Variants in SLC6A20 observed in about 807,000 individuals in gnomAD.
The protein encoded by SLC6A20 is solute carrier family 6 member 20.
SLC6A20 carries 73 observed loss-of-function variants against 64.3 expected under a neutral mutation model. The observed-to-expected ratio is 1.14, with a 90% confidence interval of 0.94 to 1.38. SLC6A20 has a LOEUF of 1.38. SLC6A20 is among the 40% of genes most tolerant of loss of function. The pLI, the probability that SLC6A20 is intolerant of heterozygous loss-of-function variation, is 0.00. For missense variants in SLC6A20, 725 were observed against 772.8 expected (o/e 0.94, Z 0.73); for synonymous variants, 347 against 329.6 (o/e 1.05, Z -0.57).
intron 4 of SLC6A20, among the ~76,000 whole-genome samples, chr3:45,775,455 G>T (rs569908689): frequency 2.0e-5 from 3 of 152,288 alleles, no homozygotes; most frequent in Admixed American, 2.0e-4. Context: ...CAAACTCACT[G>T]TCTGGTTGTC....
intron 4 of SLC6A20, among the ~76,000 whole-genome samples, chr3:45,774,228 G>GA (rs893850638): frequency 1.7e-4 from 26 of 152,334 alleles, no homozygotes; most frequent in African/African-American, 5.8e-4. Context: ...GGGTGTAGCT[G>GA]AAGCAGAGGA....
At chr3:45,785,192 G>GCCTACCCCTTCCT in intron 1 of SLC6A20, among the ~76,000 whole-genome samples, 1 of 152,302 alleles carries the variant, frequency 6.6e-6, no homozygotes, top group Admixed American at 6.5e-5. Context: ...AGGGGAGTAG[G>GCCTACCCCTTCCT]AAGGGGTTGA....
chr3:45,771,130 G>C, intron 6 of SLC6A20, 87 bp downstream of exon 6: 1 of 1,572,456 alleles, frequency 6.4e-7, no homozygotes, highest in African/African-American at 1.3e-5. Context: ...TCCAAAACTG[G>C]TGCACTTTGC....
Position 45,771,321 on chromosome 3 carries a change from G to A in SLC6A20, c.831C>T (p.Ile277=). ...EPSNNCQKHA[I]IVSLINSFTS... is the part of the protein sequence containing the mutation. ...TGAAGCTGTTGATGAGGGACACGAT[G>A]ATGGCGTGCTTCTGGCAGTTGTTGG... is the stretch of plus-strand genomic sequence containing the variant. The change falls in exon 6 of 11, where the codon ATC becomes ATT. Residue 277 remains isoleucine, a synonymous_variant. Transcript: ENST00000358525. The A allele has an allele frequency of 1.2e-6, 2 of 1,614,264 alleles. No homozygotes were observed. The highest frequency in any genetic ancestry group is 1.7e-6 in the Non-Finnish European group (2 of 1,180,046).
In SLC6A20 at chr3:45,777,386, T is replaced by C. The variant is rs1440198191; in HGVS notation, c.355-1398A>G. Among the ~76,000 whole-genome samples the C allele has an allele frequency of 2.0e-5, 3 of 152,076 alleles. No homozygotes were observed. In the East Asian group the frequency reaches 5.8e-4, roughly 29 times the overall value. Reference sequence around the variant, plus strand: ...AGCTGGTTTCTTGCTTTGACCCATATCGTGTTCAAAGCTGGCCACCAACAG... The same window carrying C: ...AGCTGGTTTCTTGCTTTGACCCATACCGTGTTCAAAGCTGGCCACCAACAG... On this transcript the variant is annotated intron_variant, in intron 3 of 10. Transcript: ENST00000358525.
Position 45,782,197 on chromosome 3 carries a change from T to G in SLC6A20, c.148A>C (p.Met50Leu). Residue 50 changes from methionine (M) to leucine (L), a missense_variant, in exon 2 of 11, where the codon ATG (methionine) becomes CTG (leucine). By Grantham distance (15) the Met-to-Leu change is conservative. Coordinates refer to ENST00000358525, the MANE Select transcript of SLC6A20 (RefSeq NM_020208.4). ...GGSFLVPYII[M>L]LIVEGMPLLY... Reference sequence around the variant, plus strand: ...AGCGGCATTCCCTCCACGATAAGCATGATGATGTAGGGGACCAGGAAACTA... The same window carrying G: ...AGCGGCATTCCCTCCACGATAAGCAGGATGATGTAGGGGACCAGGAAACTA... 1 of 1,613,764 alleles carries G rather than the reference T, an allele frequency of 6.2e-7. No individual in the cohort carries two copies. The highest frequency in any genetic ancestry group is 8.5e-7 in the Non-Finnish European group (1 of 1,179,806).
intron 3 of SLC6A20, among the ~76,000 whole-genome samples, chr3:45,777,163 A>G (rs1699982214): frequency 6.6e-6 from 1 of 152,134 alleles, no homozygotes; most frequent in African/African-American, 2.4e-5. Flanking sequence ...TGACCACCCC[A>G]CTGGGCTCAA....
intron 6 of SLC6A20, among the ~76,000 whole-genome samples, chr3:45,770,612 A>G (rs758388): frequency 0.96 from 146,230 of 152,276 alleles, 70,215 homozygotes; most frequent in South Asian, 0.98. Context: ...ATAGTCCAGC[A>G]GAAGTTTCTG....
chr3:45,780,204 G>T (rs1700054046), intron 2 of SLC6A20, 104 bp from the exon 3 acceptor site: 3 of 1,076,040 alleles, frequency 2.8e-6, no homozygotes, highest in East Asian at 5.2e-5. Flanking sequence ...CCGCCCCGGG[G>T]TGGGCGAGGC....
chr3:45,780,707 AGGGCTCTGGGGCT>A (rs143717712), intron 2 of SLC6A20, among the ~76,000 whole-genome samples: 22,866 of 151,852 alleles, frequency 0.15, 1,749 homozygotes, highest in Admixed American at 0.18. Flanking sequence ...GGGAGGCAGC[AGGGCTCTGGGGCT>A]GGCCCACACC....
intron 9 of SLC6A20, 104 bp downstream of exon 9, chr3:45,762,806 TAAA>T: frequency 4.2e-6 from 6 of 1,443,806 alleles, no homozygotes; most frequent in Non-Finnish European, 5.7e-6. Context: ...ATGCGAAGCT[TAAA>T]GAAGAGGTGA....
At chr3:45,763,214 G>T in intron 8 of SLC6A20, 142 bp from the exon 9 acceptor site, 1 of 1,267,940 alleles carries the variant, frequency 7.9e-7, no homozygotes, top group Non-Finnish European at 1.1e-6. Flanking sequence ...GAGCTGTCAT[G>T]GTTTGGACTC....
chr3:45,770,190 C>T lies in SLC6A20; in HGVS notation c.1098+19G>A, dbSNP rs775140517. ...TGTGTGGAGAGAAGCCAGTCCTTGA[C>T]CTTGCCTGGGCATCTTACCGTGTCT... On this transcript the variant is annotated intron_variant, in intron 7 of 10. Transcript: ENST00000358525. 1.2e-6 allele frequency: 2 copies of T among 1,613,852 alleles called. No individual in the cohort carries two copies. The highest frequency in any genetic ancestry group is 1.7e-5 in the Admixed American group (1 of 60,010).
Position 45,775,978 on chromosome 3 carries a change from G to A in SLC6A20, c.365C>T (p.Pro122Leu), listed in dbSNP as rs760771230. The change falls in exon 4 of 11, where the codon CCG (proline) becomes CTG (leucine). Residue 122 changes from proline (P) to leucine (L), a missense_variant. Physicochemically the swap from Pro to Leu is moderately conservative, Grantham distance 98. Transcript: ENST00000358525. ...YLFHSFQDPL[P>L]WSVCPLNGNH... is the part of the protein sequence containing the mutation. ...ACCATTCAGTGGGCAGACAGACCAC[G>A]GCAGGGGATCCTGTGGGACCAAAGC... 13 of 1,614,004 alleles carry A rather than the reference G, an allele frequency of 8.1e-6. No homozygotes were observed. Among genetic ancestry groups the A allele is most frequent in the South Asian group, 2.2e-5 (2 of 91,078 alleles).
chr3:45,759,005 CTT>C lies in SLC6A20; in HGVS notation c.1750_1751del (p.Lys584GlufsTer47). ...AGGCCACGGGGTCTGCGTCTCCCCT[CTT>C]GAGGCGACGCTGAACAAAAGTCCCC... The part of the protein sequence containing the change: ...ALGTFVQRRL[K>X]RGDADPVA On this transcript the variant is annotated frameshift_variant, in exon 11 of 11. Coordinates refer to ENST00000358525, the MANE Select transcript of SLC6A20 (RefSeq NM_020208.4). LOFTEE classifies it high-confidence loss of function. 1 of 1,611,274 alleles carries C rather than the reference CTT, an allele frequency of 6.2e-7. No homozygotes were observed.
chr3:45,780,196 G>GT (rs1459965170), intron 2 of SLC6A20, 96 bp from the exon 3 acceptor site: 9 of 1,218,484 alleles, frequency 7.4e-6, no homozygotes, highest in Non-Finnish European at 1.0e-5. Flanking sequence ...TGTGGCGACC[G>GT]CCCCGGGGTG....
chr3:45,770,330 C>G lies in SLC6A20; in HGVS notation c.977G>C (p.Gly326Ala), dbSNP rs773069895. ...CTCCAGGTTGCTGGCTGTCAAAAAG[C>G]CATCTTCAAGGTCAAAAGTGTTGGT... is the stretch of plus-strand genomic sequence containing the variant. The part of the protein sequence containing the change: ...LLTNTFDLED[G>A]FLTASNLEQV... The change falls in exon 7 of 11, where the codon GGC (glycine) becomes GCC (alanine). Residue 326 changes from glycine (G) to alanine (A), a missense_variant. Coordinates refer to ENST00000358525, the MANE Select transcript of SLC6A20 (RefSeq NM_020208.4). 1 of 1,614,184 alleles carries G rather than the reference C, an allele frequency of 6.2e-7. No homozygotes were observed. Among genetic ancestry groups the G allele is most frequent in the Non-Finnish European group, 8.5e-7 (1 of 1,180,036 alleles).
At chr3:45,792,637 G>A (rs762613703) in intron 1 of SLC6A20, among the ~76,000 whole-genome samples, 2 of 152,192 alleles carry the variant, frequency 1.3e-5, no homozygotes, top group African/African-American at 2.4e-5. Flanking sequence ...CTGACCTGCT[G>A]TGAATCAGTC....
chr3:45,768,312 G>A (rs1476633687), intron 7 of SLC6A20, among the ~76,000 whole-genome samples: 1 of 151,408 alleles, frequency 6.6e-6, no homozygotes, highest in African/African-American at 2.4e-5. Context: ...GTGGAATGGG[G>A]AAAGAAAAGA....
Sources: gnomAD v4.1 joint callset for allele counts (sites outside exome capture counted in the v4.1 genomes callset) on GRCh38, gnomAD v4.1.1 for gene constraint, MANE v1.5 for transcripts, NCBI Gene and HGNC (gene_info 2026-07-23, HGNC 2026-07-21) for gene names.